GOLGB1: variants seen among roughly 807,000 people sequenced by gnomAD.
The protein encoded by GOLGB1 is golgin subfamily B member 1.
Under a neutral mutation model 336.9 loss-of-function variants are expected in GOLGB1, and 174 were observed. The observed-to-expected ratio is 0.52, with a 90% CI of 0.46 to 0.59. The LOEUF is 0.59. GOLGB1 is among the 20% of genes least tolerant of loss of function. The pLI is 0.00. For missense variants in GOLGB1, 3,331 were observed against 3,645.3 expected, an observed-to-expected ratio of 0.91 and a Z score of 2.22; for synonymous variants, 1,208 against 1,289.2, an observed-to-expected ratio of 0.94 and a Z score of 1.35.
In GOLGB1 at chr3:121,694,628, G is replaced by C. The variant is rs2107819604; in HGVS notation, c.5895C>G (p.Asn1965Lys). Residue 1965 changes from asparagine to lysine, a missense_variant, in exon 13 of 22, where the codon AAC becomes AAG. Physicochemically the swap from Asn to Lys is moderately conservative, Grantham distance 94. Coordinates refer to ENST00000614479, the MANE Select transcript of GOLGB1 (RefSeq NM_001366282.2). ...KNELLESEMK[N>K]LKKCVSELEE... Reference sequence around the variant, plus strand: ...CCAATTCACTCACACACTTTTTAAGGTTCTTCATTTCAGATTCCAATAGCT... The same window carrying C: ...CCAATTCACTCACACACTTTTTAAGCTTCTTCATTTCAGATTCCAATAGCT... 1 of 1,611,654 alleles carries C rather than the reference G, an allele frequency of 6.2e-7. No homozygotes were observed. The highest frequency in any genetic ancestry group is 8.5e-7 in the Non-Finnish European group (1 of 1,179,894).
intron 14 of GOLGB1, among the ~76,000 whole-genome samples, chr3:121,688,341 A>G (rs1448275327): frequency 1.3e-5 from 2 of 152,172 alleles, no homozygotes; most frequent in African/African-American, 4.8e-5. Flanking sequence ...GCGCGCCGCC[A>G]CGCCTGACTG....
rs1942374842 is a variant in GOLGB1, at chr3:121,691,086, C to T, written c.8278G>A (p.Asp2760Asn). The T allele has an allele frequency of 6.2e-7, 1 of 1,614,084 alleles. No homozygotes were observed. Among genetic ancestry groups the T allele is most frequent in the African/African-American group, 1.3e-5 (1 of 75,064 alleles). Residue 2760 changes from aspartate to asparagine, a missense_variant, in exon 14 of 22, where the codon GAT becomes AAT. Transcript: ENST00000614479. The part of the protein sequence containing the change: ...NSRDHANEEL[D>N]ELKRKYDASL... Reference sequence around the variant, plus strand: ...GCATCATATTTCCTTTTCAGTTCATCAAGTTCCTCATTGGCATGATCTCTA... The same window carrying T: ...GCATCATATTTCCTTTTCAGTTCATTAAGTTCCTCATTGGCATGATCTCTA...
intron 1 of GOLGB1, among the ~76,000 whole-genome samples, chr3:121,736,829 G>A (rs1176136963): frequency 6.6e-6 from 1 of 152,128 alleles, no homozygotes; most frequent in Non-Finnish European, 1.5e-5. Flanking sequence ...ACTTGAACCT[G>A]GGAGACAGAG....
chr3:121,673,502 G>T (rs1452354226), intron 17 of GOLGB1, among the ~76,000 whole-genome samples: 1 of 152,116 alleles, frequency 6.6e-6, no homozygotes, highest in African/African-American at 2.4e-5. Flanking sequence ...TTAATCTGTA[G>T]ATTGCTTTGT....
intron 15 of GOLGB1, 24 bp downstream of exon 15, chr3:121,681,662 GA>G: frequency 6.8e-7 from 1 of 1,481,456 alleles, no homozygotes; most frequent in Non-Finnish European, 9.2e-7. Context: ...GAAAAGAGTT[GA>G]AAAGGAGGGA....
chr3:121,671,831 T>G (rs576271596), intron 17 of GOLGB1, among the ~76,000 whole-genome samples: 1 of 152,078 alleles, frequency 6.6e-6, no homozygotes, highest in East Asian at 1.9e-4. Context: ...TAACTACCAA[T>G]GCACTCTCTA....
In GOLGB1 at chr3:121,716,790, T is replaced by C. The variant is rs764248562; in HGVS notation, c.1235A>G (p.Gln412Arg). The change falls in exon 9 of 22, where the codon CAA becomes CGA. Residue 412 changes from glutamine (Q) to arginine (R), a missense_variant. Coordinates refer to ENST00000614479, the MANE Select transcript of GOLGB1 (RefSeq NM_001366282.2). ...ALKDQNSKLL[Q>R]DKNEQAVQSA... The stretch of plus-strand genomic sequence containing the variant: ...CTGAACTGCTTGCTCATTCTTATCT[T>C]GGAGAAGCTTTGAATTTTGATCCTT... 6.2e-7 allele frequency: 1 copy of C among 1,613,670 alleles called. No individual in the cohort carries two copies. Among genetic ancestry groups the C allele is most frequent in the Non-Finnish European group, 8.5e-7 (1 of 1,179,598 alleles).
chr3:121,729,585 T>A (rs185297985), intron 3 of GOLGB1, among the ~76,000 whole-genome samples: 1,698 of 152,104 alleles, frequency 0.011, 15 homozygotes, highest in Non-Finnish European at 0.018. Flanking sequence ...TAATTTTTTT[T>A]AAATTTTTTT....
At chr3:121,733,287 CAAA>C (rs35457720) in intron 1 of GOLGB1, among the ~76,000 whole-genome samples, 1 of 64,650 alleles carries the variant, frequency 1.5e-5, no homozygotes, top group Non-Finnish European at 2.7e-5. Context: ...TGCTCCGTCT[CAAA>C]AAAAAAAAAA....
At chr3:121,716,649 C>T (rs1388402207) in intron 9 of GOLGB1, 88 bp downstream of exon 9, 7 of 1,100,378 alleles carry the variant, frequency 6.4e-6, no homozygotes, top group African/African-American at 4.7e-5. Flanking sequence ...GGTTTGAGTA[C>T]AGATTTCATT....
In GOLGB1 at chr3:121,663,476, T is replaced by C. The variant is rs556847072; in HGVS notation, c.*1004A>G. 2.0e-5 allele frequency: 3 copies of C among 152,302 alleles called. No individual in the cohort carries two copies. Among genetic ancestry groups the C allele is most frequent in the Non-Finnish European group, 4.4e-5 (3 of 68,020 alleles). 9.4% of individuals were successfully genotyped at this position (152,302 alleles called of 1,614,324 possible). A position where few individuals can be genotyped will look rare whatever the true frequency, so the allele number is the denominator to read the frequency against. On this transcript the variant is annotated 3_prime_UTR_variant, in exon 22 of 22. Coordinates refer to ENST00000614479, the MANE Select transcript of GOLGB1 (RefSeq NM_001366282.2). The stretch of plus-strand genomic sequence containing the variant: ...TCAGGTCTATCTATATTTAATTTTG[T>C]CTTCTCTATATTCTCCTTCCATTGC...
At chr3:121,711,019 C>T (rs750325528) in intron 10 of GOLGB1, among the ~76,000 whole-genome samples, 42 of 151,896 alleles carry the variant, frequency 2.8e-4, no homozygotes, top group Non-Finnish European at 5.0e-4. Flanking sequence ...ATGGCAAAAC[C>T]CTGTCTCTAC....
chr3:121,705,808 AC>A (rs1296627630), intron 10 of GOLGB1, among the ~76,000 whole-genome samples: 9 of 152,234 alleles, frequency 5.9e-5, no homozygotes, highest in African/African-American at 2.2e-4. Flanking sequence ...TGGTGCTCAC[AC>A]AAAACCCGGA....
At chr3:121,689,381 T>C (rs1326864706) in intron 14 of GOLGB1, among the ~76,000 whole-genome samples, 1 of 152,106 alleles carries the variant, frequency 6.6e-6, no homozygotes, top group Non-Finnish European at 1.5e-5. Context: ...AAACATGTGC[T>C]GTGTCCACTC....
At chr3:121,664,710 C>A in intron 21 of GOLGB1, 96 bp from the exon 22 acceptor site, 1 of 1,212,190 alleles carries the variant, frequency 8.2e-7, no homozygotes. Context: ...GCTGACCCAA[C>A]CACTGTAGAA....
chr3:121,669,453 A>C (rs554458218), intron 17 of GOLGB1, 98 bp from the exon 18 acceptor site: 4 of 948,492 alleles, frequency 4.2e-6, no homozygotes, highest in Admixed American at 5.5e-5. Context: ...CCTATGGAAG[A>C]CCTTTGTTTC....
In GOLGB1 at chr3:121,695,665, A is replaced by G. The variant is rs753318260; in HGVS notation, c.4858T>C (p.Tyr1620His). ...QEKHKELQKE[Y>H]EILLQSYENV... The stretch of plus-strand genomic sequence containing the variant: ...TCATAGGACTGCAGAAGAATTTCAT[A>G]CTCTTTTTGTAGCTCCTTGTGTTTC... The change falls in exon 13 of 22, where the codon TAT becomes CAT. Residue 1620 changes from tyrosine (Y) to histidine (H), a missense_variant. By Grantham distance (83) the Tyr-to-His change is moderately conservative. Coordinates refer to ENST00000614479, the MANE Select transcript of GOLGB1 (RefSeq NM_001366282.2). 11 of 1,612,552 alleles carry G rather than the reference A, an allele frequency of 6.8e-6. No homozygotes were observed. The highest frequency in any genetic ancestry group is 9.3e-6 in the Non-Finnish European group (11 of 1,179,892).
In GOLGB1 at chr3:121,696,359, G is replaced by A. The variant is rs1281245632; in HGVS notation, c.4164C>T (p.Gly1388=). The A allele has an allele frequency of 1.2e-6, 2 of 1,613,946 alleles. No homozygotes were observed. The highest frequency in any genetic ancestry group is 1.7e-6 in the Non-Finnish European group (2 of 1,180,006). Residue 1388 remains glycine (G), a synonymous_variant, in exon 13 of 22, where the codon GGC becomes GGT. Transcript: ENST00000614479. The stretch of plus-strand genomic sequence containing the variant: ...GTTGCAATTCTCTTAGATGTTCTAG[G>A]CCAGCAATTTGTAGTTGGCTGCTTT... ...KLESSQLQIA[G]LEHLRELQPK... is the part of the protein sequence containing the mutation.
chr3:121,683,310 T>G (rs1467826505), intron 14 of GOLGB1, among the ~76,000 whole-genome samples: 2 of 152,126 alleles, frequency 1.3e-5, no homozygotes, highest in Non-Finnish European at 2.9e-5. Flanking sequence ...CTGTGGACTA[T>G]GGCACCTGAG....
Sources: gnomAD v4.1 joint callset for allele counts (sites outside exome capture counted in the v4.1 genomes callset) on GRCh38, gnomAD v4.1.1 for gene constraint, MANE v1.5 for transcripts, NCBI Gene and HGNC (gene_info 2026-07-23, HGNC 2026-07-21) for gene names.